SORCS3: variants seen among roughly 807,000 people sequenced by gnomAD.
SORCS3 encodes VPS10 domain-containing receptor SorCS3.
In SORCS3, 57 loss-of-function variants were observed where a neutral mutation model predicts 146.3. That is an observed-to-expected ratio of 0.39 (90% CI 0.31 to 0.49). SORCS3 has a LOEUF of 0.49. Ranked by LOEUF, SORCS3 falls within the 20% of genes least tolerant of loss-of-function variation. The probability of loss-of-function intolerance (pLI) is 0.92; values close to 1 mark genes in which losing one functional copy is unlikely to be tolerated. For synonymous variants in SORCS3, 653 were observed against 618.5 expected, an observed-to-expected ratio of 1.06 and a Z score of -0.83; for missense variants, 1,341 against 1,575.5, an observed-to-expected ratio of 0.85 and a Z score of 2.52.
At chr10:105,084,859 T>G (rs1015193901) in intron 5 of SORCS3, among the ~76,000 whole-genome samples, 7 of 151,700 alleles carry the variant, frequency 4.6e-5, no homozygotes, top group African/African-American at 1.7e-4. Flanking sequence ...GCCTCCCGAG[T>G]AGCTGGGACT....
intron 5 of SORCS3, among the ~76,000 whole-genome samples, chr10:105,085,278 G>A (rs1198644914): frequency 6.6e-6 from 1 of 152,268 alleles, no homozygotes; most frequent in Non-Finnish European, 1.5e-5. Flanking sequence ...CATGGCAGAA[G>A]GTGGGCGGCG....
chr10:105,041,456 CATATAACTATATGTACAT>C (rs2055337943), intron 4 of SORCS3, among the ~76,000 whole-genome samples: 1 of 140,504 alleles, frequency 7.1e-6, no homozygotes, highest in Non-Finnish European at 1.5e-5. Context: ...TATATATATA[CATATAACTATATGTACAT>C]ATATAACTAT....
chr10:104,692,276 A>G (rs1260232600), intron 1 of SORCS3, among the ~76,000 whole-genome samples: 1 of 152,200 alleles, frequency 6.6e-6, no homozygotes, highest in Non-Finnish European at 1.5e-5. Flanking sequence ...CTGTGCCTGC[A>G]GCAGCAGAGG....
At chr10:105,152,916 C>T (rs905614273) in intron 9 of SORCS3, among the ~76,000 whole-genome samples, 1 of 150,616 alleles carries the variant, frequency 6.6e-6, no homozygotes, top group Non-Finnish European at 1.5e-5. Context: ...CTTGACAAAC[C>T]ACTTAGGCTT....
intron 5 of SORCS3, among the ~76,000 whole-genome samples, chr10:105,071,713 T>C (rs1004165375): frequency 1.3e-5 from 2 of 152,140 alleles, no homozygotes; most frequent in African/African-American, 2.4e-5. Context: ...ACTTTACAAT[T>C]AGTTATTATT....
In SORCS3 at chr10:105,178,114, G is replaced by A. The variant is rs117429235; in HGVS notation, c.1950G>A (p.Ser650=). 7.1e-4 allele frequency: 1,145 copies of A among 1,613,442 alleles called. 2 individuals carry two copies. Among genetic ancestry groups the A allele is most frequent in the Non-Finnish European group, 9.4e-4 (1,108 of 1,179,684 alleles). Residue 650 remains serine (S), a synonymous_variant, in exon 14 of 27, where the codon TCG becomes TCA. Coordinates refer to ENST00000369701, the MANE Select transcript of SORCS3 (RefSeq NM_014978.3). The part of the protein sequence containing the change: ...GHSWDKYGFT[S]VPLFVDGALV... ...CTTGGGACAAGTATGGTTTCACTTC[G>A]GTTCCTCTCTTTGTTGACGGGGCTC...
intron 5 of SORCS3, among the ~76,000 whole-genome samples, chr10:105,077,490 ACT>A (rs2055595916): frequency 6.7e-6 from 1 of 149,494 alleles, no homozygotes; most frequent in Admixed American, 6.7e-5. Flanking sequence ...ATCGGTAATG[ACT>A]CTCTGGTTGC....
In SORCS3 at chr10:105,256,863, C is replaced by G. The variant is rs2056934538; in HGVS notation, c.3382C>G (p.Leu1128Val). 1 of 1,614,028 alleles carries G rather than the reference C, an allele frequency of 6.2e-7. No homozygotes were observed. The highest frequency in any genetic ancestry group is 8.5e-7 in the Non-Finnish European group (1 of 1,180,016). Residue 1128 changes from leucine to valine, a missense_variant, in exon 25 of 27, where the codon CTT becomes GTT. By Grantham distance (32) the Leu-to-Val change is conservative (BLOSUM62 1). Coordinates refer to ENST00000369701, the MANE Select transcript of SORCS3 (RefSeq NM_014978.3). ...SSAGHSSSAM[L>V]MLLSVVFVGL... ...TGCTGGGCACAGCAGCTCAGCCATG[C>G]TTATGCTATTATCAGTGGTATTTGT... is the stretch of plus-strand genomic sequence containing the variant.
At chr10:104,865,578 C>T (rs2018450753) in intron 2 of SORCS3, among the ~76,000 whole-genome samples, 1 of 152,124 alleles carries the variant, frequency 6.6e-6, no homozygotes, top group Non-Finnish European at 1.5e-5. Context: ...CAAAAGATCC[C>T]AAGAGTCCAG....
At chr10:104,757,066 G>GTTTTTTTTTTTTTTTT (rs35550035) in intron 1 of SORCS3, among the ~76,000 whole-genome samples, 2 of 83,980 alleles carry the variant, frequency 2.4e-5, no homozygotes, top group Non-Finnish European at 2.2e-5. Context: ...CAAGTTAAGG[G>GTTTTTTTTTTTTTTTT]TTTTTTTTTT....
chr10:104,829,040 T>C (rs916696223), intron 1 of SORCS3, among the ~76,000 whole-genome samples: 5 of 152,194 alleles, frequency 3.3e-5, no homozygotes, highest in African/African-American at 1.2e-4. Context: ...TGTGAGGATG[T>C]CCTGACCACC....
intron 7 of SORCS3, among the ~76,000 whole-genome samples, chr10:105,130,586 A>G (rs748929597): frequency 6.6e-5 from 10 of 152,018 alleles, no homozygotes; most frequent in Non-Finnish European, 1.3e-4. Flanking sequence ...TCTCCCCTAC[A>G]CACACACACC....
Position 105,072,182 on chromosome 10 carries a change from G to A in SORCS3, c.1029-17593G>A, listed in dbSNP as rs576528212. ...TTGGCATGGGAGGTGGTGAGCTCTCGGACTTTATATAAGCGGGTCCCTGTG... is the reference window on the plus strand; with the variant it reads ...TTGGCATGGGAGGTGGTGAGCTCTCAGACTTTATATAAGCGGGTCCCTGTG... On this transcript the variant is annotated intron_variant, in intron 5 of 26. Transcript: ENST00000369701. Among the ~76,000 whole-genome samples the A allele has an allele frequency of 2.6e-4, 39 of 152,194 alleles. No individual in the cohort carries two copies. The South Asian group carries it at 3.3e-3, about 13-fold the overall frequency.
At chr10:105,037,436 G>A (rs703457) in intron 4 of SORCS3, among the ~76,000 whole-genome samples, 8,856 of 152,200 alleles carry the variant, frequency 0.058, 644 homozygotes, top group African/African-American at 0.16. Flanking sequence ...GATGTTGGCA[G>A]GTGGGGGCTA....
intron 4 of SORCS3, among the ~76,000 whole-genome samples, chr10:105,033,028 T>C (rs572397393): frequency 6.6e-6 from 1 of 152,202 alleles, no homozygotes; most frequent in South Asian, 2.1e-4. Flanking sequence ...CAGAGGAAAA[T>C]GGTTGAGGGA....
intron 1 of SORCS3, among the ~76,000 whole-genome samples, chr10:104,718,758 G>A (rs1045985128): frequency 1.3e-5 from 2 of 152,334 alleles, no homozygotes; most frequent in Middle Eastern, 3.4e-3. Flanking sequence ...TCAATGTGAT[G>A]AACAAAGTAG....
intron 3 of SORCS3, among the ~76,000 whole-genome samples, chr10:104,968,975 C>T (rs1333022775): frequency 1.3e-5 from 2 of 152,208 alleles, no homozygotes; most frequent in African/African-American, 2.4e-5. Context: ...GCTCACTTTA[C>T]CTGCTTTGCC....
intron 2 of SORCS3, among the ~76,000 whole-genome samples, chr10:104,867,470 C>T (rs373080660): frequency 2.5e-4 from 38 of 152,112 alleles, no homozygotes; most frequent in South Asian, 2.1e-4. Context: ...CCACCACGCC[C>T]GGCTAATTTT....
At chr10:105,193,345 T>G (rs1170108671) in intron 14 of SORCS3, among the ~76,000 whole-genome samples, 1 of 152,234 alleles carries the variant, frequency 6.6e-6, no homozygotes, top group Non-Finnish European at 1.5e-5. Flanking sequence ...ATGAAGCTAT[T>G]ACCTCAATTT....
Sources: allele counts gnomAD v4.1 joint callset (sites outside exome capture counted in the v4.1 genomes callset), GRCh38; gene constraint gnomAD v4.1.1; transcripts MANE v1.5; gene names NCBI Gene and HGNC (gene_info 2026-07-23, HGNC 2026-07-21).